Variants in TRAPPC9 observed in about 807,000 individuals in gnomAD.
TRAPPC9 encodes the protein IKK2 binding protein.
TRAPPC9 carries 83 observed loss-of-function variants against 124.0 expected under a neutral mutation model. The ratio of observed to expected loss-of-function variants is 0.67; its 90% CI spans 0.56 to 0.80. The LOEUF is 0.80. TRAPPC9 is among the 30% of genes least tolerant of loss of function. TRAPPC9 has a pLI of 0.00. For synonymous variants in TRAPPC9, 638 were observed against 617.5 expected, an observed-to-expected ratio of 1.03 and a Z score of -0.49; for missense variants, 1,302 against 1,508.3, an observed-to-expected ratio of 0.86 and a Z score of 2.27.
At chr8:140,250,534 A>G (rs2064108296) in intron 16 of TRAPPC9, among the ~76,000 whole-genome samples, 1 of 152,140 alleles carries the variant, frequency 6.6e-6, no homozygotes, top group South Asian at 2.1e-4. Context: ...TCTGCCACTG[A>G]GTTCACAGCC....
At chr8:140,351,983 C>G (rs986599267) in intron 9 of TRAPPC9, among the ~76,000 whole-genome samples, 11 of 152,204 alleles carry the variant, frequency 7.2e-5, no homozygotes, top group African/African-American at 2.4e-4. Flanking sequence ...ATTGGAATAC[C>G]TTCACCGCCT....
intron 21 of TRAPPC9, among the ~76,000 whole-genome samples, chr8:139,764,549 T>C (rs139047214): frequency 1.1e-4 from 16 of 152,304 alleles, no homozygotes; most frequent in African/African-American, 1.4e-4. Flanking sequence ...TTCCCAGCAC[T>C]GAGTGAGACA....
At chr8:140,279,008 C>T (rs557995862) in intron 14 of TRAPPC9, among the ~76,000 whole-genome samples, 4 of 152,342 alleles carry the variant, frequency 2.6e-5, no homozygotes, top group Admixed American at 6.5e-5. Context: ...AATTCTCCTG[C>T]GCCATGGTCT....
intron 17 of TRAPPC9, among the ~76,000 whole-genome samples, chr8:140,184,094 T>C (rs57180620): frequency 0.18 from 27,023 of 151,726 alleles, 3,219 homozygotes; most frequent in East Asian, 0.64. Context: ...AGTCGTGGGC[T>C]GAGAGTGGGG....
intron 19 of TRAPPC9, among the ~76,000 whole-genome samples, chr8:139,978,813 G>A (rs903079788): frequency 6.6e-6 from 1 of 152,256 alleles, no homozygotes; most frequent in African/African-American, 2.4e-5. Flanking sequence ...CTCCCCGCTG[G>A]ACAGATGAGG....
At chr8:140,443,214 T>C (rs1358614430) in intron 2 of TRAPPC9, among the ~76,000 whole-genome samples, 1 of 139,924 alleles carries the variant, frequency 7.1e-6, no homozygotes, top group Non-Finnish European at 1.5e-5. Flanking sequence ...GGCGGGCAGA[T>C]CACAAAGTCA....
intron 4 of TRAPPC9, among the ~76,000 whole-genome samples, chr8:140,431,711 G>A (rs527664266): frequency 1.3e-5 from 2 of 152,330 alleles, no homozygotes; most frequent in Admixed American, 6.5e-5. Context: ...TAGATGCAGA[G>A]CGAGGAGGTG....
At position 140,175,602 on chromosome 8, in the gene TRAPPC9, T is replaced by C. The variant is rs1400894598; in HGVS notation, c.2556+45857A>G. On this transcript the variant is annotated intron_variant, in intron 17 of 22. Coordinates refer to ENST00000438773, the MANE Select transcript of TRAPPC9 (RefSeq NM_001160372.4). ...TAAAAACAGAAAAGTAACTGAGTCTTAAGTATGTGCAGACAATAGCTGAAG... is the reference window on the plus strand; with the variant it reads ...TAAAAACAGAAAAGTAACTGAGTCTCAAGTATGTGCAGACAATAGCTGAAG... 2.0e-5 allele frequency among the ~76,000 whole-genome samples: 3 copies of C among 152,190 alleles called. No homozygotes were observed. In the East Asian group the frequency reaches 5.8e-4, roughly 29 times the overall value.
At chr8:140,192,250 G>C (rs553247936) in intron 17 of TRAPPC9, among the ~76,000 whole-genome samples, 2 of 152,332 alleles carry the variant, frequency 1.3e-5, no homozygotes, top group East Asian at 3.9e-4. Flanking sequence ...AAAGGGTTTC[G>C]GAAAGTTAAA....
rs114813389 is a variant in TRAPPC9, at chr8:139,858,569, T to C, written c.3055+27310A>G. ...CACTCCACTGTCAGGTGTGTATACATAGGGGACAGCCAGGAAGGCCCCAGT... is the reference window on the plus strand; with the variant it reads ...CACTCCACTGTCAGGTGTGTATACACAGGGGACAGCCAGGAAGGCCCCAGT... On this transcript the variant is annotated intron_variant, in intron 21 of 22. Transcript: ENST00000438773. 8.1e-3 allele frequency among the ~76,000 whole-genome samples: 1,228 copies of C among 152,232 alleles called. 15 individuals are homozygous for C. Among genetic ancestry groups the C allele is most frequent in the African/African-American group, 0.027 (1,140 of 41,540 alleles).
chr8:139,791,755 C>T (rs1348972753), intron 21 of TRAPPC9, among the ~76,000 whole-genome samples: 1 of 152,240 alleles, frequency 6.6e-6, no homozygotes, highest in Admixed American at 6.5e-5. Flanking sequence ...CTGGCTCTGT[C>T]CTCGCCCAGC....
chr8:140,155,029 C>A (rs80169974), intron 17 of TRAPPC9, among the ~76,000 whole-genome samples: 1 of 152,084 alleles, frequency 6.6e-6, no homozygotes, highest in Non-Finnish European at 1.5e-5. Context: ...GAGTTTCACC[C>A]GGACAGGCTT....
chr8:140,272,354 A>AGAGTGGTGGTTGTG (rs1358738144), intron 15 of TRAPPC9, among the ~76,000 whole-genome samples: 139 of 74,784 alleles, frequency 1.9e-3, no homozygotes, highest in Non-Finnish European at 3.1e-3. Flanking sequence ...CACAGTGGAG[A>AGAGTGGTGGTTGTG]GAGTGGTGGT....
rs143662177 is a variant in TRAPPC9 at position 140,027,822 on chromosome 8, AGTGT to A, written c.2557-3747_2557-3744del. On this transcript the variant is annotated intron_variant, in intron 17 of 22. Coordinates refer to ENST00000438773, the MANE Select transcript of TRAPPC9 (RefSeq NM_001160372.4). ...ACATGGCGGCAGGAGAAAGTGAGTG[AGTGT>A]GTGTGTGAAGGAGGAACAGTCAAAC... Among the ~76,000 whole-genome samples, 732 of 152,154 alleles carry A rather than the reference AGTGT, an allele frequency of 4.8e-3. 6 individuals carry two copies. The highest frequency in any genetic ancestry group is 0.017 in the African/African-American group (689 of 41,506).
At chr8:139,872,334 G>A (rs574349200) in intron 21 of TRAPPC9, among the ~76,000 whole-genome samples, 25 of 103,334 alleles carry the variant, frequency 2.4e-4, no homozygotes, top group African/African-American at 6.5e-4. Context: ...ATGAGTGGAT[G>A]GATAGATGCG....
chr8:140,457,313 C>A (rs566027115), intron 1 of TRAPPC9, among the ~76,000 whole-genome samples: 2 of 152,188 alleles, frequency 1.3e-5, no homozygotes, highest in Non-Finnish European at 2.9e-5. Flanking sequence ...AGGGGACCCC[C>A]GCCGCGAGCT....
intron 17 of TRAPPC9, among the ~76,000 whole-genome samples, chr8:140,103,813 G>A (rs746100295): frequency 4.6e-5 from 7 of 152,104 alleles, no homozygotes; most frequent in Middle Eastern, 3.2e-3. Flanking sequence ...GACAAAATGT[G>A]ACTTGCCAAG....
rs550760292 is a variant in TRAPPC9, at chr8:140,378,613, G to T, written c.1135-7433C>A. On this transcript the variant is annotated intron_variant, in intron 7 of 22. Coordinates refer to ENST00000438773, the MANE Select transcript of TRAPPC9 (RefSeq NM_001160372.4). Reference sequence around the variant, plus strand: ...ATCCTATCAGTTCTGTCCCTCTAGAGAACCCTGACTAATACACCTTCCAAC... The same window carrying T: ...ATCCTATCAGTTCTGTCCCTCTAGATAACCCTGACTAATACACCTTCCAAC... 3.3e-5 allele frequency among the ~76,000 whole-genome samples: 5 copies of T among 152,228 alleles called. No homozygotes were observed. The East Asian group carries it at 9.6e-4, about 29-fold the overall frequency.
chr8:140,296,854 G>C (rs946021580), intron 11 of TRAPPC9, among the ~76,000 whole-genome samples: 1 of 152,218 alleles, frequency 6.6e-6, no homozygotes, highest in African/African-American at 2.4e-5. Context: ...GTTCCGTAGG[G>C]GAGACAGTTC....
Sources: gnomAD v4.1 joint callset for allele counts (sites outside exome capture counted in the v4.1 genomes callset) on GRCh38, gnomAD v4.1.1 for gene constraint, MANE v1.5 for transcripts, NCBI Gene and HGNC (gene_info 2026-07-23, HGNC 2026-07-21) for gene names.